VEZT: variants seen among roughly 807,000 people sequenced by gnomAD.
The protein encoded by VEZT is vezatin, adherens junctions transmembrane protein.
A neutral mutation model predicts 79.9 loss-of-function variants in VEZT; 39 were observed. The ratio of observed to expected loss-of-function variants is 0.49; its 90% CI spans 0.38 to 0.64. VEZT has a LOEUF of 0.64. Among genes scored for constraint, VEZT ranks in the 30% least tolerant of loss-of-function variants. VEZT has a pLI of 0.00. For missense variants in VEZT, 837 were observed against 893.1 expected (o/e 0.94, Z 0.80); for synonymous variants, 325 against 327.6 (o/e 0.99, Z 0.09).
chr12:95,289,089 A>AAAAAAATAAAT (rs1555292132), intron 9 of VEZT, among the ~76,000 whole-genome samples: 10 of 101,692 alleles, frequency 9.8e-5, no homozygotes, highest in Admixed American at 2.1e-4. Flanking sequence ...CTCAAAAAAA[A>AAAAAAATAAAT]AAATAAATAA....
chr12:95,237,633 TG>T (rs2060376469), intron 1 of VEZT, among the ~76,000 whole-genome samples: 1 of 152,216 alleles, frequency 6.6e-6, no homozygotes. Context: ...AATATTATTT[TG>T]TTTTGTTTTG....
At chr12:95,289,575 C>A (rs1471903040) in intron 9 of VEZT, among the ~76,000 whole-genome samples, 1 of 152,000 alleles carries the variant, frequency 6.6e-6, no homozygotes, top group Non-Finnish European at 1.5e-5. Context: ...TTAAGATAAG[C>A]CATTTTCTAA....
intron 1 of VEZT, among the ~76,000 whole-genome samples, chr12:95,229,862 G>T (rs1469529026): frequency 6.6e-6 from 1 of 152,128 alleles, no homozygotes; most frequent in African/African-American, 2.4e-5. Flanking sequence ...GGGTGAGGCA[G>T]GCGGATCGCC....
At chr12:95,217,978 T>C in intron 1 of VEZT, 92 bp downstream of exon 1, 1 of 1,320,500 alleles carries the variant, frequency 7.6e-7, no homozygotes, top group South Asian at 1.7e-5. Flanking sequence ...GGGCGAGGGA[T>C]CGGGTGACGC....
intron 7 of VEZT, among the ~76,000 whole-genome samples, chr12:95,280,211 T>C (rs978617360): frequency 6.6e-6 from 1 of 152,160 alleles, no homozygotes. Context: ...TATGTCATGC[T>C]TCTGCTCAGA....
intron 3 of VEZT, among the ~76,000 whole-genome samples, chr12:95,261,006 A>G (rs1182646806): frequency 3.6e-4 from 6 of 16,654 alleles, no homozygotes; most frequent in Admixed American, 2.7e-3. Flanking sequence ...AGTAGATGGT[A>G]AAAAAAAAAA....
At chr12:95,253,108 C>T (rs1200636440) in intron 2 of VEZT, among the ~76,000 whole-genome samples, 5 of 152,234 alleles carry the variant, frequency 3.3e-5, no homozygotes, top group Non-Finnish European at 5.9e-5. Context: ...ATGTTCTTAA[C>T]CTCTGTCTAC....
intron 11 of VEZT, among the ~76,000 whole-genome samples, chr12:95,297,164 T>G (rs926036479): frequency 2.0e-5 from 3 of 152,186 alleles, no homozygotes; most frequent in African/African-American, 7.2e-5. Context: ...CTTCTTTTCT[T>G]AAGTCAAACT....
intron 1 of VEZT, among the ~76,000 whole-genome samples, chr12:95,222,369 C>T (rs2057750272): frequency 6.6e-6 from 1 of 152,116 alleles, no homozygotes; most frequent in Non-Finnish European, 1.5e-5. Context: ...GTATGGATGT[C>T]CAGTTGACCT....
chr12:95,243,027 A>C (rs1175475296), intron 1 of VEZT, among the ~76,000 whole-genome samples: 1 of 152,174 alleles, frequency 6.6e-6, no homozygotes, highest in African/African-American at 2.4e-5. Flanking sequence ...GATTTTTAAA[A>C]GACTTTTATT....
chr12:95,256,656 G>A (rs760708694), intron 2 of VEZT: 1 of 1,176,184 alleles, frequency 8.5e-7, no homozygotes, highest in Non-Finnish European at 1.1e-6. Context: ...CAGTAGTAAA[G>A]CTTTTTTATC....
intron 1 of VEZT, chr12:95,218,114 C>T: frequency 2.6e-6 from 1 of 388,914 alleles, no homozygotes; most frequent in East Asian, 4.1e-5. Flanking sequence ...CCCAGAATTC[C>T]CAGACGGTGC....
rs1247563286 is a variant in VEZT, at chr12:95,221,953, G to A, written c.36+4067G>A. Among the ~76,000 whole-genome samples, 3 of 152,238 alleles carry A rather than the reference G, an allele frequency of 2.0e-5. No homozygotes were observed. In the East Asian group the frequency reaches 5.8e-4, roughly 29 times the overall value. On this transcript the variant is annotated intron_variant, in intron 1 of 11. Coordinates refer to ENST00000436874, the MANE Select transcript of VEZT (RefSeq NM_017599.4). Reference sequence around the variant, plus strand: ...TATTAGGTATTACAAATAATCTAGAGATGATTTAAAATATGTGGGAGACTG... The same window carrying A: ...TATTAGGTATTACAAATAATCTAGAAATGATTTAAAATATGTGGGAGACTG...
At chr12:95,256,171 C>T (rs955927070) in intron 2 of VEZT, among the ~76,000 whole-genome samples, 1 of 152,136 alleles carries the variant, frequency 6.6e-6, no homozygotes, top group Non-Finnish European at 1.5e-5. Context: ...CCTGCCTCAG[C>T]CTCCCGAGTA....
chr12:95,272,088 T>C (rs1285775642), intron 6 of VEZT, among the ~76,000 whole-genome samples: 1 of 152,138 alleles, frequency 6.6e-6, no homozygotes, highest in African/African-American at 2.4e-5. Context: ...CAGGATTCCT[T>C]GAGCCCAAAA....
intron 1 of VEZT, among the ~76,000 whole-genome samples, chr12:95,246,342 C>T (rs767804544): frequency 2.0e-5 from 3 of 152,080 alleles, no homozygotes; most frequent in Non-Finnish European, 4.4e-5. Flanking sequence ...AAACTGGTCT[C>T]GAACTCCTGA....
At chr12:95,245,567 T>C (rs1807864200) in intron 1 of VEZT, 1 of 456,646 alleles carries the variant, frequency 2.2e-6, no homozygotes, top group African/African-American at 2.0e-5. Flanking sequence ...TATTTATTAT[T>C]GAATCAGTTG....
chr12:95,300,515 C>T lies in VEZT; in HGVS notation c.2182C>T (p.Arg728Trp), dbSNP rs200245166. ...GCCCTCCATTAAGCAGAGGCTGGCACGGCTACAGCTGTCACCAGATTTTAC... is the reference window on the plus strand; with the variant it reads ...GCCCTCCATTAAGCAGAGGCTGGCATGGCTACAGCTGTCACCAGATTTTAC... ...LQPSIKQRLA[R>W]LQLSPDFTFT... Residue 728 changes from arginine to tryptophan, a missense_variant, in exon 12 of 12, where the codon CGG becomes TGG. By Grantham distance (101) the Arg-to-Trp change is moderately radical. Coordinates refer to ENST00000436874, the MANE Select transcript of VEZT (RefSeq NM_017599.4). The T allele has an allele frequency of 4.7e-5, 76 of 1,613,928 alleles. No homozygotes were observed. Among genetic ancestry groups the T allele is most frequent in the South Asian group, 5.5e-5 (5 of 91,078 alleles).
rs760021396 is a variant in VEZT, at chr12:95,266,394, G to T, written c.472G>T (p.Val158Phe). Reference sequence around the variant, plus strand: ...GCTATTTGCCTTCATTAGCTTGCTCGTTATGCTTCCCACTTGGTGGATTGT... The same window carrying T: ...GCTATTTGCCTTCATTAGCTTGCTCTTTATGCTTCCCACTTGGTGGATTGT... ...SMLFAFISLL[V>F]MLPTWWIVSS... The change falls in exon 5 of 12, where the codon GTT (valine) becomes TTT (phenylalanine). Residue 158 changes from valine (V) to phenylalanine (F), a missense_variant. Transcript: ENST00000436874. 2.5e-6 allele frequency: 4 copies of T among 1,613,332 alleles called. No homozygotes were observed. In the East Asian group the frequency reaches 8.9e-5, roughly 36 times the overall value.
Sources: allele counts gnomAD v4.1 joint callset (sites outside exome capture counted in the v4.1 genomes callset), GRCh38; gene constraint gnomAD v4.1.1; transcripts MANE v1.5; gene names NCBI Gene and HGNC (gene_info 2026-07-23, HGNC 2026-07-21).